PHKB: variants seen among roughly 807,000 people sequenced by gnomAD.
PHKB encodes phosphorylase b kinase regulatory subunit beta.
In PHKB, 122 loss-of-function variants were observed where a neutral mutation model predicts 152.1. The observed-to-expected ratio is 0.80, with a 90% CI of 0.69 to 0.93. The LOEUF is 0.93. Among genes scored for constraint, PHKB ranks in the 40% least tolerant of loss-of-function variants. The probability of loss-of-function intolerance (pLI) is 0.00; values close to 1 mark genes in which losing one functional copy is unlikely to be tolerated. For missense variants in PHKB, 1,304 were observed against 1,328.4 expected (o/e 0.98, Z 0.29); for synonymous variants, 436 against 464.9 (o/e 0.94, Z 0.80).
At chr16:47,566,268 T>G in intron 7 of PHKB, 1 of 886,714 alleles carries the variant, frequency 1.1e-6, no homozygotes, top group African/African-American at 1.6e-5. Flanking sequence ...AGGTGAGTAG[T>G]CATCAAAGCT....
chr16:47,592,441 A>G (rs190313094), intron 10 of PHKB, among the ~76,000 whole-genome samples: 32 of 152,310 alleles, frequency 2.1e-4, no homozygotes, highest in Admixed American at 1.2e-3. Flanking sequence ...TTGCTGGTAG[A>G]TTCTTTAACA....
intron 26 of PHKB, among the ~76,000 whole-genome samples, chr16:47,688,101 G>A (rs1218189466): frequency 6.6e-6 from 1 of 152,182 alleles, no homozygotes; most frequent in African/African-American, 2.4e-5. Flanking sequence ...GAGAAGGCGT[G>A]GGGGAGAAAG....
intron 10 of PHKB, among the ~76,000 whole-genome samples, chr16:47,593,276 A>G (rs1236891497): frequency 6.6e-6 from 1 of 151,260 alleles, no homozygotes; most frequent in Non-Finnish European, 1.5e-5. Flanking sequence ...AGAGAGAGAG[A>G]CAGAGATAGC....
chr16:47,571,027 G>A (rs1265625976), intron 7 of PHKB, among the ~76,000 whole-genome samples: 1 of 151,990 alleles, frequency 6.6e-6, no homozygotes, highest in African/African-American at 2.4e-5. Flanking sequence ...TCAGCTCTGG[G>A]TGCTTTCAGT....
chr16:47,593,113 G>C (rs547392489), intron 10 of PHKB, among the ~76,000 whole-genome samples: 312 of 149,102 alleles, frequency 2.1e-3, no homozygotes, highest in Non-Finnish European at 3.3e-3. Context: ...AGAAAAAGAG[G>C]GGGGGGAGGG....
chr16:47,649,192 A>G lies in PHKB; in HGVS notation c.1785A>G (p.Ile595Met), dbSNP rs1193354719. 1.3e-6 allele frequency: 2 copies of G among 1,572,070 alleles called. No individual in the cohort carries two copies. The highest frequency in any genetic ancestry group is 2.2e-5 in the South Asian group (2 of 90,262). The change falls in exon 18 of 31, where the codon ATA becomes ATG. Residue 595 changes from isoleucine (I) to methionine (M), a missense_variant. Transcript: ENST00000323584. ...TGTCTCAGGATGTTTTCCTGCTGATAGATGACATAAAGGTAGCTTCGGAAC... is the reference window on the plus strand; with the variant it reads ...TGTCTCAGGATGTTTTCCTGCTGATGGATGACATAAAGGTAGCTTCGGAAC... ...FYMSQDVFLLIDDIKNALQFI... is the reference protein window; with the variant it reads ...FYMSQDVFLLMDDIKNALQFI...
At chr16:47,547,380 G>A in intron 6 of PHKB, 53 bp from the exon 7 acceptor site, 2 of 1,103,714 alleles carry the variant, frequency 1.8e-6, no homozygotes, top group Non-Finnish European at 1.4e-6. Flanking sequence ...ACCACACCCG[G>A]CCTATGTCCT....
intron 25 of PHKB, among the ~76,000 whole-genome samples, chr16:47,667,630 C>T (rs2151740252): frequency 6.6e-6 from 1 of 152,212 alleles, no homozygotes; most frequent in African/African-American, 2.4e-5. Flanking sequence ...TGTGTTTTTA[C>T]CCTGAACCAA....
At chr16:47,516,654 G>T (rs918883612) in intron 6 of PHKB, among the ~76,000 whole-genome samples, 1 of 152,116 alleles carries the variant, frequency 6.6e-6, no homozygotes, top group African/African-American at 2.4e-5. Context: ...CGTACTGAGG[G>T]TACTACAAAA....
intron 7 of PHKB, among the ~76,000 whole-genome samples, chr16:47,576,007 C>T (rs549375748): frequency 3.3e-5 from 5 of 151,970 alleles, no homozygotes; most frequent in African/African-American, 4.8e-5. Flanking sequence ...ACCCGGGAGG[C>T]GGAGGTTGTG....
At chr16:47,637,486 C>T (rs1379474167) in intron 14 of PHKB, among the ~76,000 whole-genome samples, 1 of 152,158 alleles carries the variant, frequency 6.6e-6, no homozygotes, top group Non-Finnish European at 1.5e-5. Flanking sequence ...AGGTAAAAGG[C>T]TCCACCAGCC....
intron 14 of PHKB, among the ~76,000 whole-genome samples, chr16:47,635,576 G>A (rs879521713): frequency 6.6e-5 from 10 of 152,190 alleles, no homozygotes; most frequent in Non-Finnish European, 1.5e-4. Context: ...TTTAAGGATG[G>A]AGATCAGGTC....
intron 14 of PHKB, among the ~76,000 whole-genome samples, chr16:47,621,395 G>A (rs1972614722): frequency 6.6e-6 from 1 of 152,142 alleles, no homozygotes; most frequent in African/African-American, 2.4e-5. Flanking sequence ...TGGACTTGTA[G>A]CGATTTCCCT....
At chr16:47,566,703 G>A in intron 7 of PHKB, 2 of 790,464 alleles carry the variant, frequency 2.5e-6, no homozygotes, top group South Asian at 2.7e-5. Flanking sequence ...AATTGGAGGT[G>A]CCCTATACAC....
intron 28 of PHKB, 150 bp downstream of exon 28, chr16:47,693,657 A>C: frequency 2.2e-6 from 2 of 910,262 alleles, no homozygotes; most frequent in Non-Finnish European, 3.3e-6. Context: ...AAGACATCTA[A>C]TCAATTGGAT....
chr16:47,689,462 TTC>T (rs1974023311), intron 27 of PHKB, among the ~76,000 whole-genome samples: 1 of 152,230 alleles, frequency 6.6e-6, no homozygotes, highest in Non-Finnish European at 1.5e-5. Context: ...TCATACCACT[TTC>T]TGAAGTCAGT....
chr16:47,639,428 G>A (rs574045679), intron 14 of PHKB, among the ~76,000 whole-genome samples: 7 of 152,306 alleles, frequency 4.6e-5, no homozygotes, highest in Admixed American at 4.6e-4. Context: ...AATGGTGAAT[G>A]GGGCAAAAGG....
intron 23 of PHKB, 58 bp downstream of exon 23, chr16:47,661,858 A>T: frequency 3.0e-6 from 3 of 1,001,688 alleles, no homozygotes; most frequent in Non-Finnish European, 4.8e-6. Flanking sequence ...TTGAACATAT[A>T]TCAAATATGC....
intron 20 of PHKB, among the ~76,000 whole-genome samples, chr16:47,652,219 T>C (rs2151732354): frequency 6.6e-6 from 1 of 151,944 alleles, no homozygotes; most frequent in African/African-American, 2.4e-5. Flanking sequence ...CTTTTTTTCT[T>C]TTCTTACTAT....
Sources: allele counts gnomAD v4.1 joint callset (sites outside exome capture counted in the v4.1 genomes callset), GRCh38; gene constraint gnomAD v4.1.1; transcripts MANE v1.5; gene names NCBI Gene and HGNC (gene_info 2026-07-23, HGNC 2026-07-21).